The following TRAPPC9 variants were observed in gnomAD, a reference collection of about 807,000 sequenced individuals.
TRAPPC9 encodes the protein IKK2 binding protein.
Under a neutral mutation model 124.0 loss-of-function variants are expected in TRAPPC9, and 83 were observed. That is an observed-to-expected ratio of 0.67 (90% CI 0.56 to 0.80). TRAPPC9 has a LOEUF of 0.80. TRAPPC9 is among the 30% of genes least tolerant of loss of function. The probability of loss-of-function intolerance (pLI) is 0.00; values close to 1 mark genes in which losing one functional copy is unlikely to be tolerated. For missense variants in TRAPPC9, 1,302 were observed against 1,508.3 expected, an observed-to-expected ratio of 0.86 and a Z score of 2.27; for synonymous variants, 638 against 617.5, an observed-to-expected ratio of 1.03 and a Z score of -0.49.
chr8:140,218,198 CTAAGA>C (rs956909611), intron 17 of TRAPPC9, among the ~76,000 whole-genome samples: 3 of 152,088 alleles, frequency 2.0e-5, no homozygotes, highest in African/African-American at 7.2e-5. Context: ...GAATAAACAC[CTAAGA>C]TGTTAGTAGG....
intron 9 of TRAPPC9, among the ~76,000 whole-genome samples, chr8:140,347,485 C>G (rs530217489): frequency 6.6e-6 from 1 of 152,224 alleles, no homozygotes; most frequent in African/African-American, 2.4e-5. Context: ...AACGAGGCCT[C>G]ATCCTTCAGC....
chr8:139,828,566 TG>T (rs1421628030), intron 21 of TRAPPC9, among the ~76,000 whole-genome samples: 1 of 152,240 alleles, frequency 6.6e-6, no homozygotes, highest in Non-Finnish European at 1.5e-5. Flanking sequence ...AGGAACATCC[TG>T]AGATTTCCCG....
At chr8:139,976,716 G>A (rs759479024) in intron 19 of TRAPPC9, among the ~76,000 whole-genome samples, 4 of 152,260 alleles carry the variant, frequency 2.6e-5, no homozygotes, top group Admixed American at 6.5e-5. Flanking sequence ...AGGCCAAGAC[G>A]TACATGAAGC....
intron 19 of TRAPPC9, among the ~76,000 whole-genome samples, chr8:139,982,362 A>G (rs1836964558): frequency 6.6e-6 from 1 of 152,202 alleles, no homozygotes; most frequent in African/African-American, 2.4e-5. Flanking sequence ...AACTGACTGC[A>G]TGCCCCTGGT....
chr8:140,351,367 C>T (rs1272709883), intron 9 of TRAPPC9, among the ~76,000 whole-genome samples: 5 of 143,794 alleles, frequency 3.5e-5, no homozygotes, highest in Non-Finnish European at 4.5e-5. Context: ...CTGTGCTGAA[C>T]GTGTGTAGTT....
At chr8:140,090,949 G>T (rs1171635962) in intron 17 of TRAPPC9, among the ~76,000 whole-genome samples, 1 of 152,232 alleles carries the variant, frequency 6.6e-6, no homozygotes, top group Non-Finnish European at 1.5e-5. Flanking sequence ...TGCTCCCAGA[G>T]ACTCGAGCGC....
At chr8:140,076,129 A>G (rs1298665238) in intron 17 of TRAPPC9, among the ~76,000 whole-genome samples, 3 of 152,226 alleles carry the variant, frequency 2.0e-5, no homozygotes, top group African/African-American at 7.2e-5. Context: ...CAAGCTGTCC[A>G]ACCACTCTTA....
rs1029726057 is a variant in TRAPPC9, at chr8:139,788,616, C to A, written c.3056-56414G>T. ...GACAGCCCATGAAGAACGGTACCCACCCCCGCCCCCGTGTGAGATGCTGGC... is the reference window on the plus strand; with the variant it reads ...GACAGCCCATGAAGAACGGTACCCAACCCCGCCCCCGTGTGAGATGCTGGC... On this transcript the variant is annotated intron_variant, in intron 21 of 22. Coordinates refer to ENST00000438773, the MANE Select transcript of TRAPPC9 (RefSeq NM_001160372.4). This position sits in a 1 kb window ranked among gnomAD's most constrained non-coding sequence, Gnocchi z 4.9. Among the ~76,000 whole-genome samples, 1 of 152,186 alleles carries A rather than the reference C, an allele frequency of 6.6e-6. No homozygotes were observed. The highest frequency in any genetic ancestry group is 1.5e-5 in the Non-Finnish European group (1 of 68,028).
intron 7 of TRAPPC9, among the ~76,000 whole-genome samples, chr8:140,376,212 T>C (rs7834518): frequency 0.71 from 107,678 of 151,912 alleles, 38,886 homozygotes; most frequent in African/African-American, 0.85. Flanking sequence ...CAATAAGACC[T>C]GGTCCCTCAA....
chr8:139,778,232 G>A (rs1440370464), intron 21 of TRAPPC9, among the ~76,000 whole-genome samples: 1 of 152,136 alleles, frequency 6.6e-6, no homozygotes, highest in Non-Finnish European at 1.5e-5. Flanking sequence ...TGCATTAGTA[G>A]TGGGGAATAA....
chr8:140,129,628 C>A lies in TRAPPC9; in HGVS notation c.2556+91831G>T, dbSNP rs116380351. On this transcript the variant is annotated intron_variant, in intron 17 of 22. Coordinates refer to ENST00000438773, the MANE Select transcript of TRAPPC9 (RefSeq NM_001160372.4). ...ACTGGGTACACACAGGAGGATTGAA[C>A]ACCTAAGTCAGCAATGGAAGGATGG... Among the ~76,000 whole-genome samples, 515 of 152,198 alleles carry A rather than the reference C, an allele frequency of 3.4e-3. 4 individuals carry two copies. The highest frequency in any genetic ancestry group is 0.011 in the African/African-American group (455 of 41,526).
At chr8:140,453,336 G>C (rs952565441) in intron 1 of TRAPPC9, among the ~76,000 whole-genome samples, 2 of 152,090 alleles carry the variant, frequency 1.3e-5, no homozygotes, top group African/African-American at 4.8e-5. Context: ...TCTTAAATAG[G>C]AAGCCCAAAA....
At position 140,209,530 on chromosome 8, in the gene TRAPPC9, T is replaced by C. The variant is rs551592378; in HGVS notation, c.2556+11929A>G. 2.6e-5 allele frequency among the ~76,000 whole-genome samples: 4 copies of C among 152,350 alleles called. No homozygotes were observed. The South Asian group carries it at 6.2e-4, about 24-fold the overall frequency. On this transcript the variant is annotated intron_variant, in intron 17 of 22. Transcript: ENST00000438773. Reference sequence around the variant, plus strand: ...CTACATTTCTTATTAAGTTTTGAAATTGTTGAGCAGATTAAAGGATTCCTT... The same window carrying C: ...CTACATTTCTTATTAAGTTTTGAAACTGTTGAGCAGATTAAAGGATTCCTT...
chr8:140,051,595 T>C (rs1029729549), intron 17 of TRAPPC9, among the ~76,000 whole-genome samples: 1 of 150,894 alleles, frequency 6.6e-6, no homozygotes, highest in East Asian at 1.9e-4. Context: ...TTTTTTTTTT[T>C]TTTTGCCTTT....
intron 9 of TRAPPC9, among the ~76,000 whole-genome samples, chr8:140,344,973 G>A (rs969480211): frequency 2.6e-5 from 4 of 152,252 alleles, no homozygotes; most frequent in Non-Finnish European, 5.9e-5. Flanking sequence ...GCCTGACGGC[G>A]GGGAAGCCAC....
chr8:140,385,609 T>A (rs1401795062), intron 7 of TRAPPC9, among the ~76,000 whole-genome samples: 2 of 152,154 alleles, frequency 1.3e-5, no homozygotes, highest in African/African-American at 4.8e-5. Flanking sequence ...CTCCCAAGAC[T>A]AAACCAGTAA....
chr8:139,877,212 T>C (rs937605899), intron 21 of TRAPPC9, among the ~76,000 whole-genome samples: 4 of 152,134 alleles, frequency 2.6e-5, no homozygotes, highest in African/African-American at 7.2e-5. Context: ...AAGAGGAAAG[T>C]GTTAGCAGTG....
intron 15 of TRAPPC9, among the ~76,000 whole-genome samples, chr8:140,268,733 AC>A (rs1356001881): frequency 6.6e-6 from 1 of 152,078 alleles, no homozygotes; most frequent in Non-Finnish European, 1.5e-5. Flanking sequence ...CTGACTGGGG[AC>A]CCGACTGGAG....
At chr8:140,073,114 C>T (rs961995213) in intron 17 of TRAPPC9, among the ~76,000 whole-genome samples, 2 of 152,124 alleles carry the variant, frequency 1.3e-5, no homozygotes, top group Non-Finnish European at 2.9e-5. Flanking sequence ...AATGGAGCAA[C>T]GATTTTATAA....
Sources: allele counts gnomAD v4.1 joint callset (sites outside exome capture counted in the v4.1 genomes callset), GRCh38; gene constraint gnomAD v4.1.1; non-coding constraint Gnocchi (gnomAD v3.1); transcripts MANE v1.5; gene names NCBI Gene and HGNC (gene_info 2026-07-23, HGNC 2026-07-21).